Variants in DDX10 observed in about 807,000 individuals in gnomAD.
DDX10 encodes probable ATP-dependent RNA helicase DDX10.
DDX10 carries 74 observed loss-of-function variants against 104.3 expected under a neutral mutation model. That is an observed-to-expected ratio of 0.71 (90% CI 0.59 to 0.86). The LOEUF (loss-of-function observed/expected upper bound fraction) is 0.86, where lower values mean the gene tolerates loss of function less well. Among genes scored for constraint, DDX10 ranks in the 40% least tolerant of loss-of-function variants. The pLI, the probability that DDX10 is intolerant of heterozygous loss-of-function variation, is 0.00. For synonymous variants in DDX10, 351 were observed against 353.4 expected, an observed-to-expected ratio of 0.99 and a Z score of 0.08; for missense variants, 952 against 1,040.0, an observed-to-expected ratio of 0.92 and a Z score of 1.16.
chr11:108,692,448 A>T (rs2094254076), intron 8 of DDX10, among the ~76,000 whole-genome samples: 1 of 149,864 alleles, frequency 6.7e-6, no homozygotes, highest in Non-Finnish European at 1.5e-5. Flanking sequence ...CATTTAGCGT[A>T]GTTAAATTTA....
intron 13 of DDX10, among the ~76,000 whole-genome samples, chr11:108,817,177 G>A (rs539068455): frequency 6.6e-6 from 1 of 152,326 alleles, no homozygotes; most frequent in East Asian, 1.9e-4. Flanking sequence ...TGTTAAGTGA[G>A]GACTTGCTGT....
chr11:108,771,862 C>T (rs544847687), intron 13 of DDX10, among the ~76,000 whole-genome samples: 1 of 152,074 alleles, frequency 6.6e-6, no homozygotes, highest in African/African-American at 2.4e-5. Flanking sequence ...TGTCTTGATC[C>T]ATCATGGTCA....
In DDX10 at chr11:108,838,350, G is replaced by C. The variant is rs1862585415; in HGVS notation, c.1966-96G>C. ...TCTCATTAGCCAATGAGTAATAAAT[G>C]TACCCAGTTTTGAGAAGTATATTGC... On this transcript the variant is annotated intron_variant, in intron 13 of 17. Transcript: ENST00000322536. 5 of 1,309,048 alleles carry C rather than the reference G, an allele frequency of 3.8e-6. No homozygotes were observed. In the East Asian group the frequency reaches 1.2e-4, roughly 32 times the overall value. 81.1% of individuals were successfully genotyped at this position (1,309,048 alleles called of 1,614,324 possible). A position where few individuals can be genotyped will look rare whatever the true frequency, so the allele number is the denominator to read the frequency against.
At chr11:108,817,361 T>C (rs1433538411) in intron 13 of DDX10, among the ~76,000 whole-genome samples, 2 of 152,224 alleles carry the variant, frequency 1.3e-5, no homozygotes, top group Admixed American at 1.3e-4. Flanking sequence ...CATTTCCATT[T>C]ATGTGCCTTT....
In DDX10 at chr11:108,852,136, C is replaced by T. The variant is rs902823253; in HGVS notation, c.2248-17C>T. On this transcript the variant is annotated splice_polypyrimidine_tract_variant and intron_variant, in intron 15 of 17. Coordinates refer to ENST00000322536, the MANE Select transcript of DDX10 (RefSeq NM_004398.4). ...TAATTATATGCTGCTAATTTTTCTC[C>T]TCTTCCTTGTCTCCAGGAGAAAAGA... 9 of 1,600,484 alleles carry T rather than the reference C, an allele frequency of 5.6e-6. No individual in the cohort carries two copies. The African/African-American group carries it at 8.1e-5, about 14-fold the overall frequency.
At chr11:108,841,041 T>G (rs1862630073) in intron 14 of DDX10, among the ~76,000 whole-genome samples, 1 of 152,240 alleles carries the variant, frequency 6.6e-6, no homozygotes, top group African/African-American at 2.4e-5. Flanking sequence ...GGAAAGATGC[T>G]GGAGCATCTC....
At chr11:108,823,138 A>G (rs913510175) in intron 13 of DDX10, among the ~76,000 whole-genome samples, 2 of 152,206 alleles carry the variant, frequency 1.3e-5, no homozygotes, top group African/African-American at 4.8e-5. Context: ...AATCACCACT[A>G]TATGGCTTTG....
At chr11:108,815,098 G>A (rs1862237019) in intron 13 of DDX10, among the ~76,000 whole-genome samples, 1 of 152,030 alleles carries the variant, frequency 6.6e-6, no homozygotes, top group East Asian at 1.9e-4. Context: ...CTCTTCTGCT[G>A]AAAATTTGAA....
At chr11:108,877,442 A>G (rs1863168091) in intron 16 of DDX10, among the ~76,000 whole-genome samples, 2 of 152,210 alleles carry the variant, frequency 1.3e-5, no homozygotes, top group South Asian at 4.1e-4. Flanking sequence ...ATGAGATTCC[A>G]GAAGTGTTAT....
intron 16 of DDX10, among the ~76,000 whole-genome samples, chr11:108,858,111 A>ATTCTCATATCTTCTTGATTTTTAAATT (rs1862894942): frequency 6.6e-6 from 1 of 152,086 alleles, no homozygotes; most frequent in Non-Finnish European, 1.5e-5. Context: ...AACATACCAT[A>ATTCTCATATCTTCTTGATTTTTAAATT]TTCTCATATC....
At chr11:108,730,944 A>G (rs1047200981) in intron 13 of DDX10, among the ~76,000 whole-genome samples, 2 of 152,068 alleles carry the variant, frequency 1.3e-5, no homozygotes, top group Admixed American at 1.3e-4. Context: ...TTTTGATGCT[A>G]AACAAGGAAT....
At chr11:108,725,319 G>A (rs1235077473) in intron 13 of DDX10, among the ~76,000 whole-genome samples, 3 of 152,072 alleles carry the variant, frequency 2.0e-5, no homozygotes, top group East Asian at 3.8e-4. Context: ...GGGGAAACGA[G>A]TGGGGTTATT....
chr11:108,892,618 A>T (rs558591850), intron 16 of DDX10, among the ~76,000 whole-genome samples: 187 of 152,296 alleles, frequency 1.2e-3, no homozygotes, highest in African/African-American at 4.3e-3. Flanking sequence ...TATATTATTA[A>T]TTTGAAAATA....
chr11:108,742,342 C>T (rs1361804612), intron 13 of DDX10, among the ~76,000 whole-genome samples: 1 of 151,546 alleles, frequency 6.6e-6, no homozygotes, highest in Non-Finnish European at 1.5e-5. Context: ...CCAAGGCAGG[C>T]AGATCATGAG....
intron 17 of DDX10, chr11:108,922,133 A>G (rs112426920): frequency 0.063 from 9,098 of 144,548 alleles, 837 homozygotes; most frequent in African/African-American, 0.2. Flanking sequence ...AGTCCCAGCT[A>G]CTTGGGAGGC....
chr11:108,778,299 C>A (rs1361005571), intron 13 of DDX10, among the ~76,000 whole-genome samples: 1 of 152,200 alleles, frequency 6.6e-6, no homozygotes, highest in African/African-American at 2.4e-5. Flanking sequence ...AACTATACTA[C>A]AAGGCTACAG....
chr11:108,783,799 G>T (rs987635897), intron 13 of DDX10, among the ~76,000 whole-genome samples: 1 of 152,144 alleles, frequency 6.6e-6, no homozygotes, highest in South Asian at 2.1e-4. Flanking sequence ...TACCCAATAA[G>T]TGCACGCCCC....
intron 16 of DDX10, among the ~76,000 whole-genome samples, chr11:108,853,742 T>C (rs566469590): frequency 6.6e-6 from 1 of 152,288 alleles, no homozygotes; most frequent in African/African-American, 2.4e-5. Context: ...GAACTCCTTA[T>C]GCCAAACTCT....
chr11:108,681,247 G>A (rs1170734213), intron 6 of DDX10, among the ~76,000 whole-genome samples: 1 of 151,776 alleles, frequency 6.6e-6, no homozygotes, highest in Non-Finnish European at 1.5e-5. Flanking sequence ...AAATTACAAA[G>A]TTTTAGAAAA....
Sources: gnomAD v4.1 joint callset for allele counts (sites outside exome capture counted in the v4.1 genomes callset) on GRCh38, gnomAD v4.1.1 for gene constraint, MANE v1.5 for transcripts, NCBI Gene and HGNC (gene_info 2026-07-23, HGNC 2026-07-21) for gene names.